Variants in TRPM3 observed in about 807,000 individuals in gnomAD.
TRPM3 encodes the protein transient receptor potential cation channel subfamily M member 3, also known as long transient receptor potential channel 3.
Under a neutral mutation model 181.2 loss-of-function variants are expected in TRPM3, and 77 were observed. The ratio of observed to expected loss-of-function variants is 0.42; its 90% confidence interval spans 0.35 to 0.51. TRPM3 has a LOEUF of 0.51. Among genes scored for constraint, TRPM3 ranks in the 20% least tolerant of loss-of-function variants. The pLI, the probability that TRPM3 is intolerant of heterozygous loss-of-function variation, is 0.01. For synonymous variants in TRPM3, 745 were observed against 796.4 expected, an observed-to-expected ratio of 0.94 and a Z score of 1.09; for missense variants, 1,759 against 2,196.7, an observed-to-expected ratio of 0.80 and a Z score of 3.98.
intron 22 of TRPM3, chr9:70,579,491 AATG>A (rs1241303688): frequency 6.6e-6 from 1 of 152,162 alleles, no homozygotes; most frequent in Non-Finnish European, 1.5e-5. Flanking sequence ...TGGATGAACT[AATG>A]ATAAGAAAAA....
At chr9:70,776,437 C>T (rs1254006373) in intron 7 of TRPM3, 1 of 713,676 alleles carries the variant, frequency 1.4e-6, no homozygotes, top group Non-Finnish European at 2.6e-6. Flanking sequence ...AATACCTTTG[C>T]TTTCCTCTTC....
At chr9:70,800,931 G>A (rs2088803781) in intron 6 of TRPM3, among the ~76,000 whole-genome samples, 1 of 152,144 alleles carries the variant, frequency 6.6e-6, no homozygotes, top group Admixed American at 6.5e-5. Flanking sequence ...AGGCATAAAG[G>A]ATAAATTGCA....
At chr9:71,061,628 T>A (rs1341668795) in intron 1 of TRPM3, among the ~76,000 whole-genome samples, 1 of 152,050 alleles carries the variant, frequency 6.6e-6, no homozygotes, top group Non-Finnish European at 1.5e-5. Context: ...CCAGTCCCAA[T>A]AAAAATTGAG....
chr9:70,850,300 C>A (rs2095173547), intron 3 of TRPM3, among the ~76,000 whole-genome samples: 1 of 152,004 alleles, frequency 6.6e-6, no homozygotes, highest in Non-Finnish European at 1.5e-5. Context: ...AGCATTCAGG[C>A]AGAAGAGGGG....
At chr9:71,174,263 G>A (rs767568163) in intron 1 of TRPM3, among the ~76,000 whole-genome samples, 13 of 152,152 alleles carry the variant, frequency 8.5e-5, no homozygotes, top group East Asian at 1.9e-4. Context: ...GAGTTATGGC[G>A]GGGTACAGTG....
chr9:70,554,064 T>TG (rs772691500), intron 22 of TRPM3, among the ~76,000 whole-genome samples: 14 of 118,286 alleles, frequency 1.2e-4, no homozygotes, highest in African/African-American at 2.6e-4. Flanking sequence ...AATGGGCAAA[T>TG]GGGGGGAAAA....
intron 1 of TRPM3, among the ~76,000 whole-genome samples, chr9:71,069,338 G>T (rs1467744822): frequency 6.6e-6 from 1 of 151,572 alleles, no homozygotes; most frequent in Admixed American, 6.6e-5. Context: ...CACTGCGCCT[G>T]GCTAAATTTT....
At chr9:71,165,737 T>G (rs1227693518) in intron 1 of TRPM3, among the ~76,000 whole-genome samples, 1 of 152,140 alleles carries the variant, frequency 6.6e-6, no homozygotes, top group Non-Finnish European at 1.5e-5. Flanking sequence ...GAGGCATAAA[T>G]TATTTCTGAA....
At chr9:70,836,839 T>C in intron 5 of TRPM3, among the ~76,000 whole-genome samples, 1 of 152,206 alleles carries the variant, frequency 6.6e-6, no homozygotes, top group Admixed American at 6.5e-5. Context: ...AGATCGTGCT[T>C]CTGAACTTCT....
At chr9:70,576,842 C>T (rs375980879) in intron 22 of TRPM3, among the ~76,000 whole-genome samples, 7 of 152,290 alleles carry the variant, frequency 4.6e-5, no homozygotes, top group African/African-American at 1.7e-4. Flanking sequence ...TCCAATCACA[C>T]TGGCATTTTT....
intron 1 of TRPM3, among the ~76,000 whole-genome samples, chr9:71,120,419 T>C (rs1419871706): frequency 1.3e-5 from 2 of 152,198 alleles, no homozygotes; most frequent in Non-Finnish European, 2.9e-5. Context: ...AGTACAGAGT[T>C]GTATGGACTT....
intron 1 of TRPM3, among the ~76,000 whole-genome samples, chr9:71,159,480 A>G (rs185107546): frequency 4.9e-4 from 74 of 152,222 alleles, no homozygotes; most frequent in African/African-American, 1.8e-3. Context: ...AAGAATACAT[A>G]CTTCAATATT....
At chr9:70,643,667 T>C (rs1350740738) in intron 9 of TRPM3, among the ~76,000 whole-genome samples, 1 of 152,206 alleles carries the variant, frequency 6.6e-6, no homozygotes, top group Non-Finnish European at 1.5e-5. Context: ...CAATCCTGAA[T>C]AAACCTAGTG....
chr9:71,134,966 G>C (rs187462696), intron 1 of TRPM3, among the ~76,000 whole-genome samples: 68 of 152,260 alleles, frequency 4.5e-4, no homozygotes, highest in African/African-American at 1.5e-3. Context: ...GACTGGGCAA[G>C]AGGTAAACAA....
At chr9:71,179,620 A>G (rs183131020) in intron 1 of TRPM3, among the ~76,000 whole-genome samples, 1 of 152,286 alleles carries the variant, frequency 6.6e-6, no homozygotes, top group Non-Finnish European at 1.5e-5. Flanking sequence ...GTAACACAGA[A>G]TGGTAAGGAA....
intron 1 of TRPM3, 129 bp downstream of exon 1, chr9:71,121,049 A>G: frequency 1.2e-6 from 1 of 815,516 alleles, no homozygotes. Flanking sequence ...CTCTCCAGCC[A>G]CGGACCACAG....
At chr9:70,906,153 GC>G (rs2096461914) in intron 1 of TRPM3, among the ~76,000 whole-genome samples, 1 of 151,848 alleles carries the variant, frequency 6.6e-6, no homozygotes, top group African/African-American at 2.4e-5. Flanking sequence ...TCTTAATTTT[GC>G]TAAATTTTTA....
chr9:71,040,380 C>T (rs2058687466), intron 1 of TRPM3, among the ~76,000 whole-genome samples: 1 of 152,166 alleles, frequency 6.6e-6, no homozygotes, highest in Non-Finnish European at 1.5e-5. Flanking sequence ...GCTTTCCATA[C>T]TTTCTCAGCA....
At chr9:70,762,640 A>T (rs2078348788) in intron 7 of TRPM3, among the ~76,000 whole-genome samples, 1 of 152,240 alleles carries the variant, frequency 6.6e-6, no homozygotes, top group African/African-American at 2.4e-5. Flanking sequence ...TGCTTTCATA[A>T]TTAAAGTATC....
Sources: allele counts gnomAD v4.1 joint callset (sites outside exome capture counted in the v4.1 genomes callset), GRCh38; gene constraint gnomAD v4.1.1; transcripts MANE v1.5; gene names NCBI Gene and HGNC (gene_info 2026-07-23, HGNC 2026-07-21).